SLC6A3: variants seen among roughly 807,000 people sequenced by gnomAD.
SLC6A3 encodes the protein sodium-dependent dopamine transporter.
In SLC6A3, 19 loss-of-function variants were observed where a neutral mutation model predicts 70.4. That is an observed-to-expected ratio of 0.27 (90% CI 0.19 to 0.40). The LOEUF is 0.40. SLC6A3 is among the 10% of genes least tolerant of loss of function. The pLI is 1.00. For missense variants in SLC6A3, 613 were observed against 838.5 expected (o/e 0.73, Z 3.32); for synonymous variants, 368 against 356.6 (o/e 1.03, Z -0.36).
In SLC6A3 at chr5:1,399,901, G is replaced by A. The variant is rs957763614; in HGVS notation, c.1839+1014C>T. ...ACCACCCACCTCCCAGGCACGCAGAGCCCCCTCCCTCTGCCTGTATCCTTG... is the reference window on the plus strand; with the variant it reads ...ACCACCCACCTCCCAGGCACGCAGAACCCCCTCCCTCTGCCTGTATCCTTG... On this transcript the variant is annotated intron_variant, in intron 14 of 14. Coordinates refer to ENST00000270349, the MANE Select transcript of SLC6A3 (RefSeq NM_001044.5). 2.0e-5 allele frequency among the ~76,000 whole-genome samples: 3 copies of A among 152,184 alleles called. No individual in the cohort carries two copies. In the East Asian group the frequency reaches 5.8e-4, roughly 29 times the overall value.
Position 1,394,025 on chromosome 5 carries a change from C to T in SLC6A3, c.*710G>A, listed in dbSNP as rs1418923240. Reference sequence around the variant, plus strand: ...TACACCGCAAGGACCCACAGGCTGCCTGAGTGGCAGTAGCCTGAGCTGGTT... The same window carrying T: ...TACACCGCAAGGACCCACAGGCTGCTTGAGTGGCAGTAGCCTGAGCTGGTT... On this transcript the variant is annotated 3_prime_UTR_variant, in exon 15 of 15. Transcript: ENST00000270349. The surrounding 1 kb of genome is among the most constrained non-coding windows in gnomAD (Gnocchi z 4.7). 6.4e-6 allele frequency: 1 copy of T among 156,116 alleles called. No individual in the cohort carries two copies. Among genetic ancestry groups the T allele is most frequent in the African/African-American group, 2.4e-5 (1 of 41,506 alleles). 9.7% of individuals were successfully genotyped at this position (156,116 alleles called of 1,614,324 possible).
intron 4 of SLC6A3, among the ~76,000 whole-genome samples, chr5:1,424,730 C>G (rs946709590): frequency 2.0e-5 from 3 of 152,266 alleles, no homozygotes; most frequent in Non-Finnish European, 2.9e-5. Flanking sequence ...ACACAGCTGG[C>G]TCAGCATTAA....
chr5:1,411,431 A>G lies in SLC6A3; in HGVS notation c.1157-76T>C, dbSNP rs532672921. The G allele has an allele frequency of 3.5e-5, 38 of 1,097,162 alleles. 2 individuals are homozygous for G. In the South Asian group the frequency reaches 4.9e-4, roughly 14 times the overall value. 68.0% of individuals were successfully genotyped at this position (1,097,162 alleles called of 1,614,324 possible). On this transcript the variant is annotated intron_variant, in intron 8 of 14. Transcript: ENST00000270349. This position sits in a 1 kb window ranked among gnomAD's most constrained non-coding sequence, Gnocchi z 6.5. ...GCCCATCCTGCCCCACCCCGCCCCG[A>G]GAAGCATGGCCTGCCACAGGCCTGT... is the stretch of plus-strand genomic sequence containing the variant.
rs975789137 is a variant in SLC6A3 at position 1,436,027 on chromosome 5, G to C, written c.419-3329C>G. Among the ~76,000 whole-genome samples, 2 of 129,678 alleles carry C rather than the reference G, an allele frequency of 1.5e-5. No homozygotes were observed. The highest frequency in any genetic ancestry group is 1.6e-5 in the Non-Finnish European group (1 of 62,094). The allele number at this position is 129,678 out of a possible 152,430, so 85.1% of individuals were successfully genotyped here. Reference sequence around the variant, plus strand: ...CTCCTGGATGCTTCCCTGGGCACCTGGGTGAGGAAATGGCTCCCTTGAACG... The same window carrying C: ...CTCCTGGATGCTTCCCTGGGCACCTCGGTGAGGAAATGGCTCCCTTGAACG... On this transcript the variant is annotated intron_variant, in intron 3 of 14. Coordinates refer to ENST00000270349, the MANE Select transcript of SLC6A3 (RefSeq NM_001044.5). This position sits in a 1 kb window ranked among gnomAD's most constrained non-coding sequence, Gnocchi z 5.2.
intron 10 of SLC6A3, 101 bp downstream of exon 10, chr5:1,409,620 T>C: frequency 7.2e-7 from 1 of 1,389,672 alleles, no homozygotes; most frequent in Non-Finnish European, 1.0e-6. Context: ...TCCCTGGAAG[T>C]GCTGCGGTTC....
At chr5:1,419,510 A>G (rs949161746) in intron 6 of SLC6A3, among the ~76,000 whole-genome samples, 3 of 152,188 alleles carry the variant, frequency 2.0e-5, no homozygotes, top group East Asian at 1.9e-4. Flanking sequence ...ACTAGGCTCT[A>G]CGTTGTCCTT....
chr5:1,445,110 G>A (rs1192845997), intron 1 of SLC6A3, among the ~76,000 whole-genome samples: 1 of 152,190 alleles, frequency 6.6e-6, no homozygotes, highest in Non-Finnish European at 1.5e-5. Context: ...TCTGAGCCTG[G>A]AGCGGGGCCA....
rs899881216 is a variant in SLC6A3 at position 1,423,364 on chromosome 5, G to T, written c.654-1350C>A. On this transcript the variant is annotated intron_variant, in intron 4 of 14. Coordinates refer to ENST00000270349, the MANE Select transcript of SLC6A3 (RefSeq NM_001044.5). ...CCCACAGTGCTGCCCACGCTGCTGGGTACCCACTGCTGCCCACAAGACAGC... is the reference window on the plus strand; with the variant it reads ...CCCACAGTGCTGCCCACGCTGCTGGTTACCCACTGCTGCCCACAAGACAGC... Among the ~76,000 whole-genome samples, 3 of 152,010 alleles carry T rather than the reference G, an allele frequency of 2.0e-5. 1 individual carries two copies. Among genetic ancestry groups the T allele is most frequent in the Non-Finnish European group, 4.4e-5 (3 of 67,982 alleles).
chr5:1,438,339 C>T lies in SLC6A3; in HGVS notation c.418+3020G>A, dbSNP rs1009422032. On this transcript the variant is annotated intron_variant, in intron 3 of 14. Coordinates refer to ENST00000270349, the MANE Select transcript of SLC6A3 (RefSeq NM_001044.5). This position sits in a 1 kb window ranked among gnomAD's most constrained non-coding sequence, Gnocchi z 6.5. ...AGAACGAAGCTGGCGGCATGGAATG[C>T]GGGATTGTGGGCACAGGGTCTGTGA... Among the ~76,000 whole-genome samples, 5 of 152,228 alleles carry T rather than the reference C, an allele frequency of 3.3e-5. No homozygotes were observed. The highest frequency in any genetic ancestry group is 7.2e-5 in the African/African-American group (3 of 41,462).
chr5:1,407,429 C>T (rs561041782), intron 11 of SLC6A3, among the ~76,000 whole-genome samples: 8 of 152,368 alleles, frequency 5.3e-5, no homozygotes, highest in African/African-American at 1.9e-4. Context: ...CCCTGCCTCC[C>T]ACCAGCAGGT....
rs111956361 is a variant in SLC6A3, at chr5:1,421,093, G to T, written c.793-390C>A. Among the ~76,000 whole-genome samples, 1 of 152,102 alleles carries T rather than the reference G, an allele frequency of 6.6e-6. No individual in the cohort carries two copies. Among genetic ancestry groups the T allele is most frequent in the Non-Finnish European group, 1.5e-5 (1 of 68,036 alleles). On this transcript the variant is annotated intron_variant, in intron 5 of 14. Coordinates refer to ENST00000270349, the MANE Select transcript of SLC6A3 (RefSeq NM_001044.5). The surrounding 1 kb of genome is among the most constrained non-coding windows in gnomAD (Gnocchi z 7.2). ...GGCTGTGTCCCTGCGGGAGGCTCCCGTGGCTGGTGCCATACTACACGCACT... is the reference window on the plus strand; with the variant it reads ...GGCTGTGTCCCTGCGGGAGGCTCCCTTGGCTGGTGCCATACTACACGCACT...
chr5:1,400,808 T>A (rs1433862830), intron 14 of SLC6A3, 107 bp downstream of exon 14: 3 of 732,568 alleles, frequency 4.1e-6, no homozygotes, highest in East Asian at 5.5e-5. Flanking sequence ...GCTGAGTAAA[T>A]GAGCACCATC....
chr5:1,441,324 CTGCGCCAGGG>C (rs1001814483), intron 3 of SLC6A3, 25 bp downstream of exon 3: 10 of 1,613,624 alleles, frequency 6.2e-6, no homozygotes, highest in Non-Finnish European at 8.5e-6. Context: ...ATGATCCGCG[CTGCGCCAGGG>C]TGAAGGGAGG....
chr5:1,420,298 C>T (rs1394729081), intron 6 of SLC6A3, among the ~76,000 whole-genome samples: 1 of 152,264 alleles, frequency 6.6e-6, no homozygotes, highest in African/African-American at 2.4e-5. Flanking sequence ...TGAGTCTCCT[C>T]TCTCCGGGAG....
rs749880553 is a variant in SLC6A3, at chr5:1,401,121, C to T, written c.1768-135G>A. The stretch of plus-strand genomic sequence containing the variant: ...CCCTCCTCACCTGCCAATGCCCACC[C>T]GCTGGCATCCATATCACCAGCGCCC... On this transcript the variant is annotated intron_variant, in intron 13 of 14. Transcript: ENST00000270349. The surrounding 1 kb of genome is among the most constrained non-coding windows in gnomAD (Gnocchi z 6.1). 30 of 726,644 alleles carry T rather than the reference C, an allele frequency of 4.1e-5. No homozygotes were observed. The highest frequency in any genetic ancestry group is 2.6e-4 in the Admixed American group (13 of 50,010). The allele number at this position is 726,644 out of a possible 1,614,324, so 45.0% of individuals were successfully genotyped here. A position where few individuals can be genotyped will look rare whatever the true frequency, so the allele number is the denominator to read the frequency against.
At chr5:1,422,282 C>T (rs949569316) in intron 4 of SLC6A3, among the ~76,000 whole-genome samples, 3 of 152,248 alleles carry the variant, frequency 2.0e-5, no homozygotes, top group Admixed American at 6.5e-5. Flanking sequence ...ACTGGAGCTG[C>T]GGAGGCGGAG....
chr5:1,406,129 G>T lies in SLC6A3; in HGVS notation c.1599+59C>A. 7.8e-7 allele frequency: 1 copy of T among 1,278,732 alleles called. No homozygotes were observed. Among genetic ancestry groups the T allele is most frequent in the South Asian group, 1.2e-5 (1 of 84,724 alleles). The allele number at this position is 1,278,732 out of a possible 1,614,324, so 79.2% of individuals were successfully genotyped here. A position where few individuals can be genotyped will look rare whatever the true frequency, so the allele number is the denominator to read the frequency against. ...ATGCGGGCGCTGGACCTCGGGGCAG[G>T]TGCCAGAGTGGGGGCAGTGGGCAGA... On this transcript the variant is annotated intron_variant, in intron 12 of 14. Coordinates refer to ENST00000270349, the MANE Select transcript of SLC6A3 (RefSeq NM_001044.5). The surrounding 1 kb of genome is among the most constrained non-coding windows in gnomAD (Gnocchi z 8.8).
At chr5:1,444,654 A>C (rs1408259767) in intron 1 of SLC6A3, among the ~76,000 whole-genome samples, 1 of 152,234 alleles carries the variant, frequency 6.6e-6, no homozygotes, top group African/African-American at 2.4e-5. Flanking sequence ...CGGCGCGAGC[A>C]GGAGGCCGCG....
At chr5:1,414,569 C>G (rs1756231360) in intron 8 of SLC6A3, 122 bp downstream of exon 8, 22 of 1,130,144 alleles carry the variant, frequency 1.9e-5, no homozygotes, top group Non-Finnish European at 2.8e-5. Flanking sequence ...GAGGCAGCAA[C>G]TCTCACTGAA....
Sources: allele counts gnomAD v4.1 joint callset (sites outside exome capture counted in the v4.1 genomes callset), GRCh38; gene constraint gnomAD v4.1.1; non-coding constraint Gnocchi (gnomAD v3.1); transcripts MANE v1.5; gene names NCBI Gene and HGNC (gene_info 2026-07-23, HGNC 2026-07-21).